The following NEDD8 variants were observed in gnomAD, a reference collection of about 807,000 sequenced individuals.
The protein encoded by NEDD8 is ubiquitin-like protein NEDD8.
NEDD8 carries 1 observed loss-of-function variant against 13.8 expected under a neutral mutation model. The observed-to-expected ratio is 0.07, with a 90% CI of 0.03 to 0.34. The LOEUF is 0.34. NEDD8 is among the 10% of genes least tolerant of loss of function. The probability of loss-of-function intolerance (pLI) is 0.99; values close to 1 mark genes in which losing one functional copy is unlikely to be tolerated. For synonymous variants in NEDD8, 31 were observed against 33.2 expected (o/e 0.93, Z 0.23); for missense variants, 10 against 95.2 (o/e 0.10, Z 3.73).
Position 24,216,944 on chromosome 14 carries a change from T to C in NEDD8, c.*183A>G. The C allele has an allele frequency of 1.7e-6, 1 of 590,626 alleles. No homozygotes were observed. The highest frequency in any genetic ancestry group is 1.9e-5 in the African/African-American group (1 of 53,456). The allele number at this position is 590,626 out of a possible 1,614,324, so 36.6% of individuals were successfully genotyped here. On this transcript the variant is annotated 3_prime_UTR_variant, in exon 4 of 4. Transcript: ENST00000250495. ...CACAGGACTGCAAACTAACACCCAG[T>C]AGCCAGCAAGGGCCCTCTGGGCCAG...
chr14:24,230,460 G>A (rs1256757369), intron 1 of NEDD8, among the ~76,000 whole-genome samples: 1 of 143,630 alleles, frequency 7.0e-6, no homozygotes. Context: ...GCATGAACCC[G>A]GGAGGCGAAG....
chr14:24,226,924 G>A (rs1395986062), intron 1 of NEDD8: 1 of 152,110 alleles, frequency 6.6e-6, no homozygotes, highest in African/African-American at 2.4e-5. Context: ...GCCAGAAACT[G>A]GAGATAACTC....
At chr14:24,229,315 G>C (rs577897785) in intron 1 of NEDD8, among the ~76,000 whole-genome samples, 1 of 152,326 alleles carries the variant, frequency 6.6e-6, no homozygotes, top group Admixed American at 6.5e-5. Flanking sequence ...TGCCTCCCAG[G>C]TTCAAGCAAT....
intron 1 of NEDD8, chr14:24,232,002 G>T (rs1468148663): frequency 2.2e-5 from 12 of 542,128 alleles, no homozygotes; most frequent in Non-Finnish European, 3.9e-5. Flanking sequence ...CCCATTCTGG[G>T]TGATAGCACA....
intron 1 of NEDD8, among the ~76,000 whole-genome samples, chr14:24,223,811 C>T (rs998546220): frequency 4.6e-5 from 7 of 151,980 alleles, no homozygotes; most frequent in Non-Finnish European, 5.9e-5. Flanking sequence ...TCTGGCTCAC[C>T]ACAACCTCCG....
At position 24,217,297 on chromosome 14, in the gene NEDD8, T is replaced by C. The variant is rs10138427; in HGVS notation, c.150-74A>G. On this transcript the variant is annotated intron_variant, in intron 3 of 3. Coordinates refer to ENST00000250495, the MANE Select transcript of NEDD8 (RefSeq NM_006156.3). ...TTTTTGTTGTTGTTGTTGTTGTTGT[T>C]GTTGTTGTTTTTGACAGAGTCTCGC... 8.1e-3 allele frequency: 10,643 copies of C among 1,317,172 alleles called. 583 individuals carry two copies. In the African/African-American group the frequency reaches 0.12, roughly 15 times the overall value. The allele number at this position is 1,317,172 out of a possible 1,614,324, so 81.6% of individuals were successfully genotyped here.
intron 1 of NEDD8, among the ~76,000 whole-genome samples, chr14:24,220,806 C>T (rs1566665409): frequency 6.6e-6 from 1 of 152,222 alleles, no homozygotes; most frequent in Non-Finnish European, 1.5e-5. Flanking sequence ...TCCCTGGTCC[C>T]AGAGCCTGTG....
intron 3 of NEDD8, 63 bp downstream of exon 3, chr14:24,218,070 C>A (rs1358453741): frequency 6.8e-6 from 11 of 1,606,416 alleles, no homozygotes; most frequent in South Asian, 1.1e-5. Flanking sequence ...TCAGTACGTG[C>A]CCCCTCTCCT....
chr14:24,228,981 T>G (rs2039945586), intron 1 of NEDD8, among the ~76,000 whole-genome samples: 1 of 151,956 alleles, frequency 6.6e-6, no homozygotes, highest in African/African-American at 2.4e-5. Context: ...AGACTGGCAA[T>G]TTTAGAGAAG....
At chr14:24,227,038 A>G (rs1053952366) in intron 1 of NEDD8, 2 of 152,254 alleles carry the variant, frequency 1.3e-5, no homozygotes, top group African/African-American at 4.8e-5. Context: ...TACAGTAGAC[A>G]TTATGCAGAA....
chr14:24,224,050 C>G (rs1172674362), intron 1 of NEDD8, among the ~76,000 whole-genome samples: 3 of 152,066 alleles, frequency 2.0e-5, no homozygotes, highest in Non-Finnish European at 4.4e-5. Context: ...GCCTCAGCCT[C>G]CAGAGTAGCT....
In NEDD8 at chr14:24,231,214, A is replaced by G. The variant is rs113033096; in HGVS notation, c.18+1036T>C. On this transcript the variant is annotated intron_variant, in intron 1 of 3. Transcript: ENST00000250495. ...CCTATTTTCTCTTTTTAATGGCGCC[A>G]GTGACCCATTCACCTATTAAATTGA... is the stretch of plus-strand genomic sequence containing the variant. 5.3e-3 allele frequency among the ~76,000 whole-genome samples: 801 copies of G among 152,308 alleles called. 12 individuals are homozygous for G. Among genetic ancestry groups the G allele is most frequent in the African/African-American group, 0.018 (742 of 41,550 alleles).
intron 1 of NEDD8, among the ~76,000 whole-genome samples, chr14:24,221,493 T>G (rs779636631): frequency 2.0e-5 from 3 of 152,136 alleles, no homozygotes; most frequent in Non-Finnish European, 4.4e-5. Context: ...TTGCCCAGGC[T>G]GGTCTCGAAC....
chr14:24,219,985 C>T (rs2039777293), intron 1 of NEDD8, among the ~76,000 whole-genome samples: 1 of 152,048 alleles, frequency 6.6e-6, no homozygotes, highest in Non-Finnish European at 1.5e-5. Context: ...TTAAAAAATA[C>T]AAAATTAGCC....
chr14:24,219,896 T>C (rs1228480689), intron 1 of NEDD8, among the ~76,000 whole-genome samples: 2 of 152,156 alleles, frequency 1.3e-5, no homozygotes, highest in African/African-American at 4.8e-5. Flanking sequence ...TCCCAGCACT[T>C]TGGGAAGCTG....
At chr14:24,225,285 T>C (rs1202259253) in intron 1 of NEDD8, among the ~76,000 whole-genome samples, 4 of 152,016 alleles carry the variant, frequency 2.6e-5, no homozygotes. Context: ...TCTACGGATT[T>C]AAAGAAATTG....
intron 1 of NEDD8, among the ~76,000 whole-genome samples, chr14:24,226,289 C>T (rs2039889452): frequency 1.3e-5 from 2 of 151,702 alleles, no homozygotes; most frequent in African/African-American, 2.4e-5. Context: ...GTCAGGAGTT[C>T]GAGACCAGCA....
intron 1 of NEDD8, 199 bp downstream of exon 1, chr14:24,232,051 G>A: frequency 1.4e-6 from 1 of 723,078 alleles, no homozygotes; most frequent in East Asian, 2.9e-5. Flanking sequence ...ATACCCCAGG[G>A]TCGTCAGGTG....
intron 1 of NEDD8, among the ~76,000 whole-genome samples, chr14:24,219,484 A>AG (rs2039764507): frequency 1.4e-5 from 2 of 143,006 alleles, no homozygotes; most frequent in East Asian, 3.9e-4. Flanking sequence ...GCAAAAAAAA[A>AG]AAAAAAAAAA....
Sources: allele counts gnomAD v4.1 joint callset (sites outside exome capture counted in the v4.1 genomes callset), GRCh38; gene constraint gnomAD v4.1.1; transcripts MANE v1.5; gene names NCBI Gene and HGNC (gene_info 2026-07-23, HGNC 2026-07-21).